The following ZFHX3 variants were observed in gnomAD, a reference collection of about 807,000 sequenced individuals.
ZFHX3 encodes the protein zinc finger homeobox 3, also known as zinc finger homeobox protein 3.
A neutral mutation model predicts 279.1 loss-of-function variants in ZFHX3; 42 were observed. The observed-to-expected ratio is 0.15, with a 90% CI of 0.12 to 0.19. The LOEUF is 0.19. Ranked by LOEUF, ZFHX3 falls within the 10% of genes least tolerant of loss-of-function variation. The probability of loss-of-function intolerance (pLI) is 1.00; values close to 1 mark genes in which losing one functional copy is unlikely to be tolerated. For missense variants in ZFHX3, 4,981 were observed against 4,754.0 expected (o/e 1.05, Z -1.40); for synonymous variants, 2,293 against 1,957.8 (o/e 1.17, Z -4.52).
At chr16:73,683,623 C>G (rs1021982501) in intron 1 of ZFHX3, among the ~76,000 whole-genome samples, 4 of 150,978 alleles carry the variant, frequency 2.6e-5, no homozygotes, top group African/African-American at 9.8e-5. Flanking sequence ...CTCACTGCAA[C>G]CTCTGCCTCC....
chr16:73,621,669 A>G (rs2052364742), intron 2 of ZFHX3, among the ~76,000 whole-genome samples: 1 of 152,104 alleles, frequency 6.6e-6, no homozygotes, highest in African/African-American at 2.4e-5. Context: ...ATTTAGGGGG[A>G]AAAAAGGAGT....
chr16:72,852,544 C>T (rs12597703), intron 4 of ZFHX3, among the ~76,000 whole-genome samples: 4,394 of 152,256 alleles, frequency 0.029, 463 homozygotes, highest in East Asian at 0.19. Flanking sequence ...GATAATGTCC[C>T]AAAATGGAGA....
intron 1 of ZFHX3, among the ~76,000 whole-genome samples, chr16:72,992,673 G>T (rs561383948): frequency 6.6e-6 from 1 of 152,294 alleles, no homozygotes; most frequent in South Asian, 2.1e-4. Context: ...TAAAGAGACA[G>T]ACAGCAAAAG....
At chr16:73,672,895 T>C (rs1308950746) in intron 2 of ZFHX3, among the ~76,000 whole-genome samples, 1 of 152,186 alleles carries the variant, frequency 6.6e-6, no homozygotes, top group African/African-American at 2.4e-5. Flanking sequence ...TAGATTGTTT[T>C]AAATTTAATT....
intron 2 of ZFHX3, among the ~76,000 whole-genome samples, chr16:73,622,112 G>C (rs948411808): frequency 2.0e-5 from 3 of 152,156 alleles, no homozygotes; most frequent in Admixed American, 6.5e-5. Flanking sequence ...AATTTAACAT[G>C]TAACTTTTGT....
At chr16:73,060,386 G>C (rs1471829758), upstream of ZFHX3, 2 of 152,160 alleles carry the variant, frequency 1.3e-5, no homozygotes, top group Admixed American at 1.3e-4. Context: ...ACAGCAGCGA[G>C]GGACCCTACT....
At chr16:73,343,137 CT>C (rs1167215914) in intron 3 of ZFHX3, among the ~76,000 whole-genome samples, 8 of 151,540 alleles carry the variant, frequency 5.3e-5, no homozygotes, top group Non-Finnish European at 1.0e-4. Context: ...TTTTCTTTTT[CT>C]TTTTTTTCCC....
intron 2 of ZFHX3, among the ~76,000 whole-genome samples, chr16:73,470,273 T>A (rs1439189441): frequency 6.6e-6 from 1 of 152,176 alleles, no homozygotes; most frequent in Non-Finnish European, 1.5e-5. Context: ...TGCAAAGCTG[T>A]CTCGTCCTGT....
chr16:73,485,416 G>T, intron 2 of ZFHX3, among the ~76,000 whole-genome samples: 2 of 119,120 alleles, frequency 1.7e-5, no homozygotes, highest in African/African-American at 7.1e-5. Context: ...AAATTTGAGG[G>T]TGAGGGAGAA....
At chr16:72,997,205 C>CGG (rs1963328146) in intron 1 of ZFHX3, among the ~76,000 whole-genome samples, 1 of 152,182 alleles carries the variant, frequency 6.6e-6, no homozygotes, top group Non-Finnish European at 1.5e-5. Context: ...CTGTCACTGG[C>CGG]GGGGTAAGAT....
intron 1 of ZFHX3, among the ~76,000 whole-genome samples, chr16:73,844,144 G>T (rs1199325676): frequency 6.6e-6 from 1 of 152,090 alleles, no homozygotes; most frequent in Non-Finnish European, 1.5e-5. Context: ...ACAGATGCCT[G>T]CAAAGAATAC....
At chr16:72,808,128 G>T (rs970962969) in intron 7 of ZFHX3, 2 of 152,134 alleles carry the variant, frequency 1.3e-5, no homozygotes, top group Non-Finnish European at 2.9e-5. Context: ...ACCCTCCCGT[G>T]GCATGATTTT....
intron 3 of ZFHX3, among the ~76,000 whole-genome samples, chr16:72,933,618 CAGA>C (rs1959941347): frequency 6.6e-6 from 1 of 152,072 alleles, no homozygotes; most frequent in African/African-American, 2.4e-5. Flanking sequence ...AAGTAAACTG[CAGA>C]AGCAGTACAC....
chr16:72,817,567 A>T (rs2036648920), intron 5 of ZFHX3, among the ~76,000 whole-genome samples: 1 of 152,136 alleles, frequency 6.6e-6, no homozygotes, highest in East Asian at 1.9e-4. Flanking sequence ...TCTTCTCATC[A>T]CTAAACACAC....
At chr16:72,900,133 TGC>T (rs2038995936) in intron 3 of ZFHX3, among the ~76,000 whole-genome samples, 1 of 70,650 alleles carries the variant, frequency 1.4e-5, no homozygotes, top group African/African-American at 8.0e-5. Context: ...CCCATGCCCT[TGC>T]CAAAAAAAAA....
intron 1 of ZFHX3, among the ~76,000 whole-genome samples, chr16:72,975,795 C>T (rs1962323356): frequency 6.6e-6 from 1 of 152,180 alleles, no homozygotes; most frequent in South Asian, 2.1e-4. Flanking sequence ...AAAAATGGCA[C>T]AGATGGTCTT....
At chr16:73,050,776 T>C (rs1025517298), upstream of ZFHX3, among the ~76,000 whole-genome samples, 1 of 152,148 alleles carries the variant, frequency 6.6e-6, no homozygotes, top group Non-Finnish European at 1.5e-5. Context: ...AAACCCACTC[T>C]CAGAAAAGGC....
At chr16:73,421,945 G>A (rs1248107792) in intron 3 of ZFHX3, among the ~76,000 whole-genome samples, 3 of 152,142 alleles carry the variant, frequency 2.0e-5, no homozygotes, top group Non-Finnish European at 4.4e-5. Context: ...CTCCATCTGA[G>A]CAAAGGCCTA....
At chr16:73,482,017 A>C (rs2018878616) in intron 2 of ZFHX3, among the ~76,000 whole-genome samples, 1 of 152,204 alleles carries the variant, frequency 6.6e-6, no homozygotes, top group South Asian at 2.1e-4. Flanking sequence ...AAGTGGGTAC[A>C]TATCAGAGGC....
Sources: allele counts gnomAD v4.1 joint callset (sites outside exome capture counted in the v4.1 genomes callset), GRCh38; gene constraint gnomAD v4.1.1; transcripts MANE v1.5; gene names NCBI Gene and HGNC (gene_info 2026-07-23, HGNC 2026-07-21).